Variants in GAREM1 observed in about 807,000 individuals in gnomAD.
GAREM1 encodes the protein GRB2-associated and regulator of MAPK protein 1.
Under a neutral mutation model 71.3 loss-of-function variants are expected in GAREM1, and 26 were observed. That is an observed-to-expected ratio of 0.36 (90% CI 0.27 to 0.51). GAREM1 has a LOEUF of 0.51. GAREM1 is among the 20% of genes least tolerant of loss of function. The probability of loss-of-function intolerance (pLI) is 0.95; values close to 1 mark genes in which losing one functional copy is unlikely to be tolerated. For missense variants in GAREM1, 1,026 were observed against 1,103.1 expected (o/e 0.93, Z 0.99); for synonymous variants, 440 against 433.2 (o/e 1.02, Z -0.20).
intron 1 of GAREM1, among the ~76,000 whole-genome samples, chr18:32,447,968 T>G (rs2144286679): frequency 6.6e-6 from 1 of 152,350 alleles, no homozygotes; most frequent in East Asian, 1.9e-4. Context: ...TGGCATTGGC[T>G]AAGTATACTG....
intron 1 of GAREM1, among the ~76,000 whole-genome samples, chr18:32,433,204 A>G (rs938718790): frequency 4.0e-5 from 6 of 151,860 alleles, no homozygotes; most frequent in Non-Finnish European, 8.8e-5. Flanking sequence ...TAGAAAAAAC[A>G]TATCACACAA....
At position 32,434,055 on chromosome 18, in the gene GAREM1, C is replaced by A. The variant is rs541872688; in HGVS notation, c.121+36253G>T. 5.9e-5 allele frequency among the ~76,000 whole-genome samples: 9 copies of A among 152,096 alleles called. No individual in the cohort carries two copies. The South Asian group carries it at 1.7e-3, about 28-fold the overall frequency. On this transcript the variant is annotated intron_variant, in intron 1 of 5. Coordinates refer to ENST00000269209, the MANE Select transcript of GAREM1 (RefSeq NM_001242409.2). ...GAACTATACTCAAGACTGTGTTGTACTGGTGAATGGAGAGAGACACAGATC... is the reference window on the plus strand; with the variant it reads ...GAACTATACTCAAGACTGTGTTGTAATGGTGAATGGAGAGAGACACAGATC...
chr18:32,321,419 T>C (rs2047427100), intron 2 of GAREM1, among the ~76,000 whole-genome samples: 3 of 152,172 alleles, frequency 2.0e-5, no homozygotes, highest in African/African-American at 7.2e-5. Context: ...TTCCGCTTCT[T>C]TCCTCACTCT....
intron 3 of GAREM1, among the ~76,000 whole-genome samples, chr18:32,291,805 T>C (rs1219936837): frequency 6.6e-6 from 1 of 152,174 alleles, no homozygotes; most frequent in East Asian, 1.9e-4. Flanking sequence ...TCCATGTCTC[T>C]GCAAAGGACA....
chr18:32,365,338 C>T (rs2047920506), intron 2 of GAREM1, among the ~76,000 whole-genome samples: 1 of 152,260 alleles, frequency 6.6e-6, no homozygotes, highest in East Asian at 1.9e-4. Context: ...ACAAAAAATA[C>T]TAGCTCTTCA....
In GAREM1 at chr18:32,264,575, T is replaced by C. The variant is rs372693129; in HGVS notation, c.*3296A>G. The C allele has an allele frequency of 2.6e-5, 4 of 152,324 alleles. No individual in the cohort carries two copies. The highest frequency in any genetic ancestry group is 3.9e-4 in the East Asian group (2 of 5,182). 9.4% of individuals were successfully genotyped at this position (152,324 alleles called of 1,614,324 possible). A position where few individuals can be genotyped will look rare whatever the true frequency, so the allele number is the denominator to read the frequency against. Reference sequence around the variant, plus strand: ...GACTGTCATAATATTTCCCATAAGATTGTTGTATTTCGACATGAGACAAGA... The same window carrying C: ...GACTGTCATAATATTTCCCATAAGACTGTTGTATTTCGACATGAGACAAGA... On this transcript the variant is annotated 3_prime_UTR_variant, in exon 6 of 6. Coordinates refer to ENST00000269209, the MANE Select transcript of GAREM1 (RefSeq NM_001242409.2).
intron 1 of GAREM1, among the ~76,000 whole-genome samples, chr18:32,406,945 G>A (rs767263090): frequency 6.6e-6 from 1 of 152,170 alleles, no homozygotes; most frequent in Non-Finnish European, 1.5e-5. Context: ...GTATGGATTT[G>A]CAGAAAAGAC....
chr18:32,363,933 T>C (rs1409125360), intron 2 of GAREM1, among the ~76,000 whole-genome samples: 1 of 133,942 alleles, frequency 7.5e-6, no homozygotes, highest in Non-Finnish European at 1.6e-5. Context: ...AAAATATATA[T>C]ACACATACAA....
chr18:32,411,503 T>G (rs76010429), intron 1 of GAREM1, among the ~76,000 whole-genome samples: 1 of 152,326 alleles, frequency 6.6e-6, no homozygotes, highest in African/African-American at 2.4e-5. Context: ...CTTTTTTTTT[T>G]CATTCAAGAG....
chr18:32,405,099 A>G (rs1215470191), intron 1 of GAREM1, among the ~76,000 whole-genome samples: 1 of 152,358 alleles, frequency 6.6e-6, no homozygotes, highest in African/African-American at 2.4e-5. Context: ...ATAGTGTGGC[A>G]TAATTTTAAT....
intron 1 of GAREM1, among the ~76,000 whole-genome samples, chr18:32,426,673 A>T (rs1444789034): frequency 6.6e-6 from 1 of 152,122 alleles, no homozygotes; most frequent in South Asian, 2.1e-4. Context: ...AACTCCACCA[A>T]TTTAATATGA....
At chr18:32,357,101 C>T (rs1039544305) in intron 2 of GAREM1, among the ~76,000 whole-genome samples, 14 of 152,136 alleles carry the variant, frequency 9.2e-5, no homozygotes, top group African/African-American at 3.4e-4. Context: ...GTTTCATATC[C>T]TTCACACACT....
rs113676461 is a variant in GAREM1 at position 32,444,971 on chromosome 18, G to A, written c.121+25337C>T. 3.1e-3 allele frequency among the ~76,000 whole-genome samples: 467 copies of A among 152,128 alleles called. 3 individuals are homozygous for A. The highest frequency in any genetic ancestry group is 0.011 in the African/African-American group (443 of 41,500). Reference sequence around the variant, plus strand: ...ATAGGCAATACTTCCTTCTTGTAGCGTATCCTGCCTCCCTTCCCAACCATC... The same window carrying A: ...ATAGGCAATACTTCCTTCTTGTAGCATATCCTGCCTCCCTTCCCAACCATC... On this transcript the variant is annotated intron_variant, in intron 1 of 5. Transcript: ENST00000269209.
At chr18:32,406,037 T>C (rs965872985) in intron 1 of GAREM1, among the ~76,000 whole-genome samples, 22 of 152,200 alleles carry the variant, frequency 1.4e-4, no homozygotes, top group African/African-American at 5.1e-4. Context: ...CACAGGCTGT[T>C]CCTTCTAACT....
chr18:32,275,160 T>A (rs1479775335), intron 4 of GAREM1, among the ~76,000 whole-genome samples: 1 of 152,122 alleles, frequency 6.6e-6, no homozygotes, highest in Non-Finnish European at 1.5e-5. Flanking sequence ...TTTGACACAG[T>A]GTCATGGTGA....
intron 2 of GAREM1, among the ~76,000 whole-genome samples, chr18:32,377,715 C>T (rs1180075872): frequency 6.6e-6 from 1 of 152,122 alleles, no homozygotes; most frequent in Non-Finnish European, 1.5e-5. Context: ...AGGCGCATGC[C>T]ACCACACCTG....
intron 4 of GAREM1, among the ~76,000 whole-genome samples, chr18:32,282,831 T>C (rs1256475246): frequency 2.6e-5 from 4 of 152,238 alleles, no homozygotes; most frequent in African/African-American, 9.6e-5. Flanking sequence ...CTCTCCAAAA[T>C]GGCATTTTCT....
At chr18:32,351,433 C>T (rs533826587) in intron 2 of GAREM1, among the ~76,000 whole-genome samples, 3 of 152,104 alleles carry the variant, frequency 2.0e-5, no homozygotes, top group African/African-American at 7.2e-5. Context: ...CAGATATAAA[C>T]AATATATTAA....
chr18:32,335,995 A>T (rs2047588569), intron 2 of GAREM1, among the ~76,000 whole-genome samples: 1 of 152,218 alleles, frequency 6.6e-6, no homozygotes, highest in Non-Finnish European at 1.5e-5. Context: ...AGTAATGGGC[A>T]TGAGGTTCAA....
Sources: gnomAD v4.1 joint callset for allele counts (sites outside exome capture counted in the v4.1 genomes callset) on GRCh38, gnomAD v4.1.1 for gene constraint, MANE v1.5 for transcripts, NCBI Gene and HGNC (gene_info 2026-07-23, HGNC 2026-07-21) for gene names.